The following NBPF26 variants were observed in gnomAD, a reference collection of about 807,000 sequenced individuals.
The protein encoded by NBPF26 is NBPF family member NBPF26.
A neutral mutation model predicts 119.6 loss-of-function variants in NBPF26; 79 were observed. The ratio of observed to expected loss-of-function variants is 0.66; its 90% CI spans 0.55 to 0.80. NBPF26 has a LOEUF of 0.80. Ranked by LOEUF, NBPF26 falls within the 30% of genes least tolerant of loss-of-function variation. NBPF26 has a pLI of 0.00. For missense variants in NBPF26, 800 were observed against 1,198.2 expected (o/e 0.67, Z 4.91); for synonymous variants, 299 against 457.7 (o/e 0.65, Z 4.43).
In NBPF26 at chr1:120,784,932, A is replaced by G; in HGVS notation, c.156-42A>G. 4.2e-6 allele frequency: 5 copies of G among 1,200,100 alleles called. 1 individual carries two copies. In the Admixed American group the frequency reaches 6.5e-5, roughly 16 times the overall value. 74.3% of individuals were successfully genotyped at this position (1,200,100 alleles called of 1,614,324 possible). ...TTTACTGTAATTTTTTGGACTTACA[A>G]GAAGTCAGGTGTTTTCATGGACTCT... On this transcript the variant is annotated intron_variant, in intron 2 of 29. Coordinates refer to ENST00000620612, the Ensembl canonical transcript of NBPF26.
intron 14 of NBPF26, among the ~76,000 whole-genome samples, chr1:120,817,415 A>ATTTTTT (rs1163236235): frequency 0.013 from 14 of 1,098 alleles, 1 homozygote; most frequent in Non-Finnish European, 0.018. Flanking sequence ...AGCATCGTGG[A>ATTTTTT]TTTTTTTTTT....
Position 120,806,626 on chromosome 1 carries a change from A to C in NBPF26, c.961+861A>C, listed in dbSNP as rs1180382107. On this transcript the variant is annotated intron_variant, in intron 5 of 29. Transcript: ENST00000620612. ...AAACAAAACGATAAATAAATCAAAA[A>C]TAAAAATAAAAAGCAGAGAGTACCT... is the stretch of plus-strand genomic sequence containing the variant. Among the ~76,000 whole-genome samples the C allele has an allele frequency of 1.6e-5, 2 of 123,898 alleles. 1 individual carries two copies. The highest frequency in any genetic ancestry group is 3.3e-5 in the Non-Finnish European group (2 of 61,114). The allele number at this position is 123,898 out of a possible 152,430, so 81.3% of individuals were successfully genotyped here.
At chr1:120,785,028 G>C (rs1651405460) in exon 3 of NBPF26, 3 of 1,437,000 alleles carry the variant, frequency 2.1e-6, no homozygotes. Context: ...CCTGTGAGAA[G>C]AACCGCTGCC....
In NBPF26 at chr1:120,812,114, C is replaced by T. The variant is rs1553271096; in HGVS notation, c.1774+19C>T. The T allele has an allele frequency of 1.7e-6, 2 of 1,159,450 alleles. No homozygotes were observed. The highest frequency in any genetic ancestry group is 2.4e-6 in the Non-Finnish European group (2 of 826,174). The allele number at this position is 1,159,450 out of a possible 1,614,324, so 71.8% of individuals were successfully genotyped here. ...AAATACAGTAAGATCTATTGGCTCACCATCACGAAAGTGATGAACGAGGTC... is the reference window on the plus strand; with the variant it reads ...AAATACAGTAAGATCTATTGGCTCATCATCACGAAAGTGATGAACGAGGTC... On this transcript the variant is annotated intron_variant, in intron 10 of 29. Coordinates refer to ENST00000620612, the Ensembl canonical transcript of NBPF26.
In NBPF26 at chr1:120,728,683, A is replaced by G. The variant is rs1326929831; in HGVS notation, c.73+4433A>G. On this transcript the variant is annotated intron_variant, in intron 1 of 29. Transcript: ENST00000620612. ...GGGGACTAGTCATTTTTGGAATACT[A>G]TTTTTAAAATTAGAGTTAACTAAGT... Among the ~76,000 whole-genome samples the G allele has an allele frequency of 5.8e-4, 69 of 117,974 alleles. 16 individuals carry two copies. The Middle Eastern group carries it at 0.023, about 39-fold the overall frequency. The allele number at this position is 117,974 out of a possible 152,430, so 77.4% of individuals were successfully genotyped here.
intron 2 of NBPF26, among the ~76,000 whole-genome samples, chr1:120,765,788 T>C (rs1382844390): frequency 0.18 from 22,598 of 123,478 alleles, 3,492 homozygotes; most frequent in African/African-American, 0.37. Context: ...CACGATGGAA[T>C]ACTATGCAGC....
At chr1:120,775,648 G>A (rs1651297588) in intron 2 of NBPF26, among the ~76,000 whole-genome samples, 2 of 71,710 alleles carry the variant, frequency 2.8e-5, no homozygotes, top group South Asian at 7.2e-4. Context: ...ATTTTCAATG[G>A]CAGTCACTAC....
At chr1:120,802,387 G>T (rs1349444478) in intron 4 of NBPF26, among the ~76,000 whole-genome samples, 4 of 126,438 alleles carry the variant, frequency 3.2e-5, no homozygotes, top group East Asian at 2.0e-4. Context: ...AGGACAAGAA[G>T]ATTTTCAAGG....
intron 18 of NBPF26, among the ~76,000 whole-genome samples, 194 bp from the exon 20 acceptor site, chr1:120,825,320 C>G (rs1422511035): frequency 8.2e-6 from 1 of 122,418 alleles, no homozygotes; most frequent in Non-Finnish European, 1.6e-5. Context: ...CTCTCCCTCT[C>G]CCTGTCTTTC....
At chr1:120,763,606 G>A in intron 1 of NBPF26, 22 bp from the exon 2 acceptor site, 1 of 1,131,778 alleles carries the variant, frequency 8.8e-7, no homozygotes, top group Non-Finnish European at 1.2e-6. Flanking sequence ...TACTTCTAAT[G>A]TGCATTTGTT....
intron 3 of NBPF26, among the ~76,000 whole-genome samples, chr1:120,789,306 C>A (rs1651457513): frequency 2.7e-5 from 1 of 36,792 alleles, no homozygotes; most frequent in Non-Finnish European, 4.3e-5. Context: ...CTCGCAAAAA[C>A]CCCACTCTTG....
In NBPF26 at chr1:120,793,431, C is replaced by G. The variant is rs1651517153; in HGVS notation, c.686C>G (p.Pro229Arg). 4 of 1,442,752 alleles carry G rather than the reference C, an allele frequency of 2.8e-6. 2 individuals carry two copies. Among genetic ancestry groups the G allele is most frequent in the Non-Finnish European group, 3.7e-6 (4 of 1,079,730 alleles). 89.4% of individuals were successfully genotyped at this position (1,442,752 alleles called of 1,614,324 possible). A position where few individuals can be genotyped will look rare whatever the true frequency, so the allele number is the denominator to read the frequency against. ...CTGTATGTGCCCTGTGCACACTCGCCTTGTGTCAATGGAGGCACCTGTCGG... is the reference window on the plus strand; with the variant it reads ...CTGTATGTGCCCTGTGCACACTCGCGTTGTGTCAATGGAGGCACCTGTCGG... Residue 229 changes from proline (P) to arginine (R), a missense_variant, in exon 4 of 30, where the codon CCT becomes CGT. Coordinates refer to ENST00000620612, the Ensembl canonical transcript of NBPF26.
chr1:120,840,675 C>A (rs1373187222), downstream of NBPF26: 59 of 1,416,500 alleles, frequency 4.2e-5, 13 homozygotes, highest in Non-Finnish European at 5.2e-5. Context: ...AGTACAGTTC[C>A]ATTTGGAAGC....
rs1651540786 is a variant in NBPF26 at position 120,794,947 on chromosome 1, T to G, written c.751+1451T>G. 5.5e-5 allele frequency among the ~76,000 whole-genome samples: 3 copies of G among 54,162 alleles called. 1 individual carries two copies. Among genetic ancestry groups the G allele is most frequent in the African/African-American group, 4.4e-4 (2 of 4,562 alleles). 35.5% of individuals were successfully genotyped at this position (54,162 alleles called of 152,430 possible). On this transcript the variant is annotated intron_variant, in intron 4 of 29. Coordinates refer to ENST00000620612, the Ensembl canonical transcript of NBPF26. ...TTCACTCCTGTATTTGTTTGCATTT[T>G]AAGGGTTAAAGACAGAAATAGAAAT...
At chr1:120,823,288 C>G (rs1652163939) in intron 16 of NBPF26, 21 bp from the exon 17 acceptor site, 1 of 1,266,162 alleles carries the variant, frequency 7.9e-7, no homozygotes, top group Non-Finnish European at 1.1e-6. Flanking sequence ...TGTAAGAGGG[C>G]CCATCTGAAT....
At chr1:120,825,217 G>A (rs1179654717) in intron 18 of NBPF26, among the ~76,000 whole-genome samples, 1 of 122,670 alleles carries the variant, frequency 8.2e-6, no homozygotes, top group African/African-American at 4.5e-5. Flanking sequence ...TGTTCGCTGT[G>A]TGTCCCGAGG....
intron 2 of NBPF26, among the ~76,000 whole-genome samples, chr1:120,770,434 G>A (rs1434593620): frequency 8.9e-6 from 1 of 112,274 alleles, no homozygotes; most frequent in Non-Finnish European, 1.7e-5. Context: ...CTCCCAAAGT[G>A]CTGGGATTAC....
At chr1:120,816,445 G>A (rs1460966653) in intron 13 of NBPF26, among the ~76,000 whole-genome samples, 177 bp from the exon 14 acceptor site, 1 of 78,888 alleles carries the variant, frequency 1.3e-5, no homozygotes, top group Non-Finnish European at 2.3e-5. Context: ...GGTTCCCATG[G>A]CAGCCATGCT....
rs1651113549 is a variant in NBPF26 at position 120,759,748 on chromosome 1, C to G, written c.74-3880C>G. Among the ~76,000 whole-genome samples the G allele has an allele frequency of 4.4e-5, 5 of 113,922 alleles. 2 individuals carry two copies. Among genetic ancestry groups the G allele is most frequent in the Admixed American group, 1.7e-4 (2 of 11,820 alleles). The allele number at this position is 113,922 out of a possible 152,430, so 74.7% of individuals were successfully genotyped here. ...TATAGTTGTATACATTTATAGGGTA[C>G]AAAGTGATGTTATAATTTGCTAATA... On this transcript the variant is annotated intron_variant, in intron 1 of 29. Transcript: ENST00000620612.
Sources: allele counts gnomAD v4.1 joint callset (sites outside exome capture counted in the v4.1 genomes callset), GRCh38; gene constraint gnomAD v4.1.1; transcripts MANE v1.5; gene names NCBI Gene and HGNC (gene_info 2026-07-23, HGNC 2026-07-21).